ARHGAP42: variants seen among roughly 807,000 people sequenced by gnomAD.
ARHGAP42 encodes Rho GTPase activating protein 42, also known as rho GTPase-activating protein 42.
A neutral mutation model predicts 125.0 loss-of-function variants in ARHGAP42; 63 were observed. That is an observed-to-expected ratio of 0.50 (90% CI 0.41 to 0.62). ARHGAP42 has a LOEUF of 0.62. Among genes scored for constraint, ARHGAP42 ranks in the 20% least tolerant of loss-of-function variants. ARHGAP42 has a pLI of 0.00. For missense variants in ARHGAP42, 766 were observed against 1,024.2 expected (o/e 0.75, Z 3.44); for synonymous variants, 339 against 351.0 (o/e 0.97, Z 0.38).
chr11:100,793,299 TTC>T (rs746305579), intron 2 of ARHGAP42, among the ~76,000 whole-genome samples: 22 of 152,326 alleles, frequency 1.4e-4, no homozygotes, highest in Non-Finnish European at 2.2e-4. Flanking sequence ...AGTTAAAATA[TTC>T]TTTCTATTTA....
intron 1 of ARHGAP42, among the ~76,000 whole-genome samples, chr11:100,757,720 G>A (rs1555114652): frequency 1.3e-5 from 2 of 152,160 alleles, no homozygotes; most frequent in African/African-American, 2.4e-5. Flanking sequence ...AATGAAGTCT[G>A]TAAACATGTA....
intron 4 of ARHGAP42, among the ~76,000 whole-genome samples, chr11:100,884,171 A>C (rs1425310770): frequency 1.3e-5 from 2 of 152,206 alleles, no homozygotes; most frequent in African/African-American, 4.8e-5. Context: ...ATAACAAAAA[A>C]ACTATCAGTC....
intron 4 of ARHGAP42, among the ~76,000 whole-genome samples, chr11:100,865,697 G>T (rs1041621696): frequency 2.6e-5 from 4 of 152,114 alleles, no homozygotes; most frequent in Non-Finnish European, 5.9e-5. Flanking sequence ...CTATACAGTA[G>T]CCTCTTAAGT....
intron 4 of ARHGAP42, among the ~76,000 whole-genome samples, chr11:100,896,342 C>A (rs1338781914): frequency 6.6e-6 from 1 of 152,116 alleles, no homozygotes; most frequent in Non-Finnish European, 1.5e-5. Flanking sequence ...ATTTATAATC[C>A]TTTGGGTATA....
intron 4 of ARHGAP42, among the ~76,000 whole-genome samples, chr11:100,865,715 AAT>A (rs1323434367): frequency 3.3e-5 from 5 of 152,306 alleles, no homozygotes; most frequent in Admixed American, 1.3e-4. Context: ...AGTGTGCAAT[AAT>A]AGTGTTATGT....
chr11:100,744,074 G>A (rs1162938135), intron 1 of ARHGAP42, among the ~76,000 whole-genome samples: 1 of 152,168 alleles, frequency 6.6e-6, no homozygotes, highest in Non-Finnish European at 1.5e-5. Flanking sequence ...ATGTTCAAGT[G>A]ATTCTCCTGC....
chr11:100,794,271 C>G (rs1043853486), intron 2 of ARHGAP42, among the ~76,000 whole-genome samples: 3 of 152,224 alleles, frequency 2.0e-5, no homozygotes, highest in East Asian at 1.9e-4. Flanking sequence ...GAATATGCTA[C>G]TATAACATCC....
Position 100,745,986 on chromosome 11 carries a change from A to G in ARHGAP42, c.155-24357A>G, listed in dbSNP as rs141239430. ...AGTAGATGTGGGAATGGAAAGACCC[A>G]TAAGGGGCTTCTTTTGCTTTATGAT... On this transcript the variant is annotated intron_variant, in intron 1 of 23. Transcript: ENST00000298815. Among the ~76,000 whole-genome samples the G allele has an allele frequency of 3.9e-3, 590 of 152,344 alleles. 2 individuals are homozygous for G. The highest frequency in any genetic ancestry group is 6.0e-3 in the Non-Finnish European group (407 of 68,028).
intron 3 of ARHGAP42, among the ~76,000 whole-genome samples, chr11:100,831,414 A>T (rs75259083): frequency 1.3e-5 from 2 of 152,348 alleles, no homozygotes; most frequent in East Asian, 3.9e-4. Flanking sequence ...ACTTAAAAGG[A>T]GTCATCCACA....
At chr11:100,779,552 A>ATACATACGTATATATACGTATATATACG in intron 2 of ARHGAP42, among the ~76,000 whole-genome samples, 2,306 of 86,464 alleles carry the variant, frequency 0.027, 110 homozygotes, top group South Asian at 0.035. Flanking sequence ...ATATATATAC[A>ATACATACGTATATATACGTATATATACG]TATACATACG....
rs374625953 is a variant in ARHGAP42, at chr11:100,826,197, A to G, written c.312+31031A>G. Among the ~76,000 whole-genome samples the G allele has an allele frequency of 5.3e-5, 8 of 152,248 alleles. No homozygotes were observed. The East Asian group carries it at 7.7e-4, about 15-fold the overall frequency. ...TAATAATTTCTGGACAAAGAATTTT[A>G]AGAAAATATTTCTGTGGCTTGGTGT... On this transcript the variant is annotated intron_variant, in intron 3 of 23. Coordinates refer to ENST00000298815, the MANE Select transcript of ARHGAP42 (RefSeq NM_152432.4).
At chr11:100,754,185 C>T (rs934189814) in intron 1 of ARHGAP42, among the ~76,000 whole-genome samples, 9 of 152,154 alleles carry the variant, frequency 5.9e-5, no homozygotes, top group Non-Finnish European at 1.3e-4. Flanking sequence ...ATCTTTCTCA[C>T]CGAATTGGTA....
intron 1 of ARHGAP42, among the ~76,000 whole-genome samples, chr11:100,760,819 C>T (rs1409822168): frequency 6.6e-6 from 1 of 151,872 alleles, no homozygotes; most frequent in Non-Finnish European, 1.5e-5. Flanking sequence ...TGATATGTGA[C>T]ATGAAAGATA....
At chr11:100,712,891 C>T (rs1395758522) in intron 1 of ARHGAP42, among the ~76,000 whole-genome samples, 2 of 152,148 alleles carry the variant, frequency 1.3e-5, no homozygotes, top group Non-Finnish European at 2.9e-5. Flanking sequence ...GCCTTCCTAC[C>T]TCCAATGTCT....
intron 3 of ARHGAP42, among the ~76,000 whole-genome samples, chr11:100,854,536 G>A (rs1865281858): frequency 6.6e-6 from 1 of 152,134 alleles, no homozygotes; most frequent in South Asian, 2.1e-4. Flanking sequence ...ACATTAAAGT[G>A]TATGAAGTAA....
chr11:100,971,291 G>T (rs1399772052), intron 17 of ARHGAP42, among the ~76,000 whole-genome samples: 2 of 151,870 alleles, frequency 1.3e-5, no homozygotes, highest in East Asian at 3.9e-4. Flanking sequence ...GGCTCCTTAT[G>T]TTCTACCATT....
chr11:100,717,656 A>AAG lies in ARHGAP42; in HGVS notation c.154+29826_154+29827dup, dbSNP rs1555109719. ...CGTCTCAAAAAAAAAAAAAAAAAAA[A>AAG]AGATTCCATATATAATTCCAGCACT... On this transcript the variant is annotated intron_variant, in intron 1 of 23. Coordinates refer to ENST00000298815, the MANE Select transcript of ARHGAP42 (RefSeq NM_152432.4). Among the ~76,000 whole-genome samples the AAG allele has an allele frequency of 5.6e-3, 836 of 150,244 alleles. 12 individuals are homozygous for AAG. Among genetic ancestry groups the AAG allele is most frequent in the African/African-American group, 0.019 (785 of 40,666 alleles).
At chr11:100,877,058 A>C (rs1479398960) in intron 4 of ARHGAP42, among the ~76,000 whole-genome samples, 1 of 152,204 alleles carries the variant, frequency 6.6e-6, no homozygotes, top group African/African-American at 2.4e-5. Flanking sequence ...TATTTGGTAA[A>C]TGTGGTTAAC....
intron 3 of ARHGAP42, among the ~76,000 whole-genome samples, chr11:100,827,065 G>A (rs898528151): frequency 3.6e-5 from 5 of 137,354 alleles, no homozygotes; most frequent in Non-Finnish European, 4.5e-5. Context: ...CTGCAGTGGC[G>A]TTACCGCAGC....
Sources: gnomAD v4.1 joint callset for allele counts (sites outside exome capture counted in the v4.1 genomes callset) on GRCh38, gnomAD v4.1.1 for gene constraint, MANE v1.5 for transcripts, NCBI Gene and HGNC (gene_info 2026-07-23, HGNC 2026-07-21) for gene names.